The following RHOT1 variants were observed in gnomAD, a reference collection of about 807,000 sequenced individuals.
RHOT1 encodes mitochondrial Rho GTPase 1.
A neutral mutation model predicts 95.3 loss-of-function variants in RHOT1; 27 were observed. That is an observed-to-expected ratio of 0.28 (90% CI 0.21 to 0.39). The LOEUF (loss-of-function observed/expected upper bound fraction) is 0.39, where lower values mean the gene tolerates loss of function less well. RHOT1 is among the 10% of genes least tolerant of loss of function. The pLI, the probability that RHOT1 is intolerant of heterozygous loss-of-function variation, is 1.00. For missense variants in RHOT1, 578 were observed against 786.7 expected, an observed-to-expected ratio of 0.73 and a Z score of 3.17; for synonymous variants, 227 against 263.5, an observed-to-expected ratio of 0.86 and a Z score of 1.34.
Position 32,142,547 on chromosome 17 carries a change from C to G in RHOT1, c.-146C>G. 1.6e-6 allele frequency: 1 copy of G among 611,230 alleles called. No homozygotes were observed. The highest frequency in any genetic ancestry group is 2.6e-6 in the Non-Finnish European group (1 of 386,420). 37.9% of individuals were successfully genotyped at this position (611,230 alleles called of 1,614,324 possible). A position where few individuals can be genotyped will look rare whatever the true frequency, so the allele number is the denominator to read the frequency against. ...AGGCGGAGCTGGCGCTGTCCCGGCT[C>G]TCTTGCGGGGAAGCAACTGAGGGGG... is the stretch of plus-strand genomic sequence containing the variant. On this transcript the variant is annotated 5_prime_UTR_variant, in exon 1 of 20. Transcript: ENST00000545287.
chr17:32,194,787 A>G (rs767129223), intron 11 of RHOT1, among the ~76,000 whole-genome samples: 6 of 131,944 alleles, frequency 4.5e-5, no homozygotes, highest in African/African-American at 8.4e-5. Context: ...TGAAGTAGGT[A>G]TTTTCCTAAA....
intron 1 of RHOT1, chr17:32,160,037 A>T (rs2033386904): frequency 6.6e-6 from 1 of 152,254 alleles, no homozygotes. Context: ...ACTCTGCCAG[A>T]CCAGAAGAGA....
At chr17:32,166,875 G>T (rs1008140880) in intron 1 of RHOT1, among the ~76,000 whole-genome samples, 1 of 152,104 alleles carries the variant, frequency 6.6e-6, no homozygotes, top group Non-Finnish European at 1.5e-5. Context: ...CCAAACTCCT[G>T]ATAATGTTAC....
intron 1 of RHOT1, among the ~76,000 whole-genome samples, chr17:32,152,953 C>T (rs916833753): frequency 7.9e-5 from 12 of 152,204 alleles, no homozygotes; most frequent in East Asian, 1.9e-4. Flanking sequence ...AGGCATGCAT[C>T]GCCATGCCTG....
intron 19 of RHOT1, among the ~76,000 whole-genome samples, chr17:32,222,556 A>G (rs2038896850): frequency 1.3e-5 from 2 of 152,146 alleles, no homozygotes; most frequent in Non-Finnish European, 2.9e-5. Flanking sequence ...GTTTGTTAAC[A>G]GAGTACATAC....
intron 15 of RHOT1, 63 bp downstream of exon 15, chr17:32,202,963 T>C (rs2037430899): frequency 6.5e-7 from 1 of 1,529,516 alleles, no homozygotes. Context: ...GTTTACATAA[T>C]GTTTTCATAG....
At chr17:32,149,482 A>G (rs1265225069) in intron 1 of RHOT1, among the ~76,000 whole-genome samples, 3 of 91,810 alleles carry the variant, frequency 3.3e-5, no homozygotes, top group African/African-American at 2.3e-4. Flanking sequence ...AGAATTTAAT[A>G]TTCTAAAATG....
intron 19 of RHOT1, chr17:32,211,457 G>A: frequency 2.9e-6 from 1 of 340,176 alleles, no homozygotes. Flanking sequence ...TATAAAATAA[G>A]ATTTTGGATG....
chr17:32,212,685 C>G (rs1014155261), intron 19 of RHOT1, among the ~76,000 whole-genome samples: 5 of 151,856 alleles, frequency 3.3e-5, no homozygotes, highest in Non-Finnish European at 5.9e-5. Flanking sequence ...TTTTTTTTAA[C>G]TAAATGTTTT....
chr17:32,142,866 C>T (rs1436705518), intron 1 of RHOT1, 137 bp downstream of exon 1: 2 of 826,750 alleles, frequency 2.4e-6, no homozygotes, highest in African/African-American at 1.7e-5. Flanking sequence ...GCTCGCCTTT[C>T]TCCGCGTTCC....
In RHOT1 at chr17:32,224,942, TGG is replaced by T. The variant is rs776272497; in HGVS notation, c.*210_*211del. 4.3e-5 allele frequency: 16 copies of T among 371,370 alleles called. No homozygotes were observed. Among genetic ancestry groups the T allele is most frequent in the Admixed American group, 2.7e-4 (7 of 25,570 alleles). The allele number at this position is 371,370 out of a possible 1,614,324, so 23.0% of individuals were successfully genotyped here. ...AAAACAGCTAACAGCCAAACTAAAA[TGG>T]CTAAATTCCAGAGGCCAAAAGGGAA... On this transcript the variant is annotated 3_prime_UTR_variant, in exon 20 of 20. Transcript: ENST00000545287.
intron 1 of RHOT1, among the ~76,000 whole-genome samples, chr17:32,153,854 T>C (rs2032615137): frequency 6.6e-6 from 1 of 152,124 alleles, no homozygotes; most frequent in African/African-American, 2.4e-5. Flanking sequence ...GGCCTTGCTG[T>C]TTTGAGTACC....
chr17:32,157,348 TGAG>T (rs1258346028), intron 1 of RHOT1, among the ~76,000 whole-genome samples: 1 of 152,202 alleles, frequency 6.6e-6, no homozygotes, highest in Admixed American at 6.5e-5. Context: ...TTTCTGCCCT[TGAG>T]GAGTTTCCTA....
chr17:32,193,904 T>C, intron 10 of RHOT1, 83 bp from the exon 11 acceptor site: 2 of 1,514,232 alleles, frequency 1.3e-6, no homozygotes, highest in Non-Finnish European at 8.9e-7. Flanking sequence ...CGTATGTTCA[T>C]GAATCTGGTT....
chr17:32,179,448 C>T (rs2035379945), intron 6 of RHOT1: 3 of 142,628 alleles, frequency 2.1e-5, no homozygotes, highest in African/African-American at 7.9e-5. Flanking sequence ...CCAGCTGACA[C>T]CCCATCTGGG....
intron 1 of RHOT1, chr17:32,159,483 C>A (rs1186695216): frequency 6.6e-6 from 1 of 152,576 alleles, no homozygotes; most frequent in Non-Finnish European, 1.5e-5. Context: ...GCAGCTGCAG[C>A]TGCCCAGCCG....
intron 2 of RHOT1, 129 bp downstream of exon 2, chr17:32,171,230 C>G: frequency 1.6e-6 from 1 of 616,622 alleles, no homozygotes; most frequent in Middle Eastern, 4.6e-4. Flanking sequence ...TTTTTTTCTC[C>G]CTTCTTTAGA....
chr17:32,222,347 T>C (rs1037644909), intron 19 of RHOT1, among the ~76,000 whole-genome samples: 1 of 152,244 alleles, frequency 6.6e-6, no homozygotes, highest in Non-Finnish European at 1.5e-5. Context: ...GTTATAATCA[T>C]CTGTAAACTT....
intron 2 of RHOT1, among the ~76,000 whole-genome samples, chr17:32,172,542 A>G (rs1240341824): frequency 1.3e-5 from 2 of 152,354 alleles, no homozygotes; most frequent in Middle Eastern, 3.4e-3. Context: ...ATCATTAAAC[A>G]TAAGGCTTGG....
Sources: gnomAD v4.1 joint callset for allele counts (sites outside exome capture counted in the v4.1 genomes callset) on GRCh38, gnomAD v4.1.1 for gene constraint, MANE v1.5 for transcripts, NCBI Gene and HGNC (gene_info 2026-07-23, HGNC 2026-07-21) for gene names.